MATCAP2: variants seen among roughly 807,000 people sequenced by gnomAD.
The protein encoded by MATCAP2 is putative tyrosine carboxypeptidase MATCAP2.
At chr7:36,383,775 C>A in the MATCAP2 span, 3 of 875,704 alleles carry the variant, frequency 3.4e-6, no homozygotes, top group East Asian at 8.7e-5. Context: ...AACAAACCTG[C>A]ACGTTCTGCA....
chr7:36,383,777 C>T, the MATCAP2 span: 42,481 of 900,788 alleles, frequency 0.047, 2,328 homozygotes, highest in East Asian at 0.24. Context: ...CAAACCTGCA[C>T]GTTCTGCACA....
chr7:36,374,814 T>C, the MATCAP2 span, among the ~76,000 whole-genome samples: 1 of 152,224 alleles, frequency 6.6e-6, no homozygotes, highest in East Asian at 1.9e-4. Flanking sequence ...TTGGGATAGT[T>C]TGCTCAGAAT....
At chr7:36,381,530 G>T in the MATCAP2 span, among the ~76,000 whole-genome samples, 1 of 151,888 alleles carries the variant, frequency 6.6e-6, no homozygotes, top group South Asian at 2.1e-4. Context: ...AATTAGTCAG[G>T]TATGGTGGTG....
the MATCAP2 span, among the ~76,000 whole-genome samples, chr7:36,327,508 G>A: frequency 6.6e-6 from 1 of 152,146 alleles, no homozygotes; most frequent in Non-Finnish European, 1.5e-5. Flanking sequence ...CTAAAAATTA[G>A]ACAGCCATAC....
the MATCAP2 span, among the ~76,000 whole-genome samples, chr7:36,341,808 A>G: frequency 6.6e-6 from 1 of 152,210 alleles, no homozygotes; most frequent in Non-Finnish European, 1.5e-5. Context: ...GCCTTCCATC[A>G]ACTAGCAAGA....
At chr7:36,389,989 C>A in the MATCAP2 span, 2 of 1,614,106 alleles carry the variant, frequency 1.2e-6, no homozygotes, top group Non-Finnish European at 8.5e-7. Context: ...GAATTTGAAC[C>A]ACCGTTTCCA....
chr7:36,377,147 T>C, the MATCAP2 span, among the ~76,000 whole-genome samples: 1 of 152,180 alleles, frequency 6.6e-6, no homozygotes, highest in Non-Finnish European at 1.5e-5. Flanking sequence ...GTCATTATGA[T>C]GTTAGCTGGT....
chr7:36,359,609 G>A, the MATCAP2 span, among the ~76,000 whole-genome samples: 1 of 152,186 alleles, frequency 6.6e-6, no homozygotes, highest in Non-Finnish European at 1.5e-5. Context: ...AGAGATAGGA[G>A]CTAGATCACA....
chr7:36,362,690 T>C, the MATCAP2 span, among the ~76,000 whole-genome samples: 1 of 152,206 alleles, frequency 6.6e-6, no homozygotes, highest in East Asian at 1.9e-4. Context: ...CAGCCTTCTC[T>C]CACTTTGACC....
chr7:36,344,616 C>A, the MATCAP2 span, among the ~76,000 whole-genome samples: 1 of 152,172 alleles, frequency 6.6e-6, no homozygotes, highest in Non-Finnish European at 1.5e-5. Flanking sequence ...ATCTAATTAC[C>A]TTTTCCCATT....
chr7:36,374,849 C>T, the MATCAP2 span, among the ~76,000 whole-genome samples: 1 of 152,210 alleles, frequency 6.6e-6, no homozygotes, highest in African/African-American at 2.4e-5. Context: ...TCATCCATGT[C>T]CCCACAAAGG....
At chr7:36,385,403 A>G in the MATCAP2 span, among the ~76,000 whole-genome samples, 15 of 152,346 alleles carry the variant, frequency 9.8e-5, no homozygotes, top group Non-Finnish European at 1.6e-4. Flanking sequence ...ACCAGATATC[A>G]ACATTTATAA....
chr7:36,359,373 G>A, the MATCAP2 span, among the ~76,000 whole-genome samples: 1 of 152,174 alleles, frequency 6.6e-6, no homozygotes, highest in Admixed American at 6.5e-5. Flanking sequence ...TCAAGGTAGA[G>A]AAACTCTTAT....
the MATCAP2 span, among the ~76,000 whole-genome samples, chr7:36,367,969 G>T: frequency 6.6e-6 from 1 of 152,080 alleles, no homozygotes; most frequent in African/African-American, 2.4e-5. Context: ...GGAGGCCGAG[G>T]TGGGAGGATT....
At chr7:36,379,847 C>CAGAG in the MATCAP2 span, among the ~76,000 whole-genome samples, 278 of 107,688 alleles carry the variant, frequency 2.6e-3, 2 homozygotes, top group African/African-American at 1.0e-2. Flanking sequence ...CACACACACA[C>CAGAG]AGAGAGAGAG....
At chr7:36,378,885 T>C in the MATCAP2 span, among the ~76,000 whole-genome samples, 3 of 152,260 alleles carry the variant, frequency 2.0e-5, no homozygotes, top group African/African-American at 7.2e-5. Flanking sequence ...CAAGGCTCCA[T>C]GGGCATGGGA....
the MATCAP2 span, among the ~76,000 whole-genome samples, chr7:36,371,654 C>G: frequency 6.6e-6 from 1 of 152,036 alleles, no homozygotes; most frequent in Non-Finnish European, 1.5e-5. Flanking sequence ...GGGATAGAGG[C>G]TAGTAAAGAC....
the MATCAP2 span, chr7:36,383,788 T>C: frequency 9.9e-7 from 1 of 1,013,050 alleles, no homozygotes; most frequent in Non-Finnish European, 1.5e-6. Flanking sequence ...GTTCTGCACA[T>C]GTACTCCAGA....
At chr7:36,352,396 T>TAA in the MATCAP2 span, among the ~76,000 whole-genome samples, 927 of 106,134 alleles carry the variant, frequency 8.7e-3, 9 homozygotes, top group East Asian at 0.027. Flanking sequence ...GACTCCATCT[T>TAA]AAAAAAAAAA....
Sources: allele counts gnomAD v4.1 joint callset (sites outside exome capture counted in the v4.1 genomes callset), GRCh38; gene constraint gnomAD v4.1.1; transcripts MANE v1.5; gene names NCBI Gene and HGNC (gene_info 2026-07-23, HGNC 2026-07-21).